Variants in ASAP3 observed in about 807,000 individuals in gnomAD.
The protein encoded by ASAP3 is arf-GAP with SH3 domain, ANK repeat and PH domain-containing protein 3.
Under a neutral mutation model 118.2 loss-of-function variants are expected in ASAP3, and 85 were observed. The ratio of observed to expected loss-of-function variants is 0.72; its 90% confidence interval spans 0.60 to 0.86. ASAP3 has a LOEUF of 0.86. Ranked by LOEUF, ASAP3 falls within the 40% of genes least tolerant of loss-of-function variation. The pLI is 0.00. For synonymous variants in ASAP3, 432 were observed against 477.4 expected, an observed-to-expected ratio of 0.90 and a Z score of 1.24; for missense variants, 1,026 against 1,175.0, an observed-to-expected ratio of 0.87 and a Z score of 1.85.
At position 23,436,868 on chromosome 1, in the gene ASAP3, T is replaced by C; in HGVS notation, c.1476+43A>G. ...CCGCCCCCGGATGAAACTACACCCC[T>C]AACTCCGCTTCTGGCCCCTTCCAGG... On this transcript the variant is annotated intron_variant, in intron 15 of 24. Coordinates refer to ENST00000336689, the MANE Select transcript of ASAP3 (RefSeq NM_017707.4). The surrounding 1 kb of genome is among the most constrained non-coding windows in gnomAD (Gnocchi z 4.2). 6.7e-7 allele frequency: 1 copy of C among 1,503,048 alleles called. No individual in the cohort carries two copies. Among genetic ancestry groups the C allele is most frequent in the African/African-American group, 1.5e-5 (1 of 66,892 alleles). 93.1% of individuals were successfully genotyped at this position (1,503,048 alleles called of 1,614,324 possible). A position where few individuals can be genotyped will look rare whatever the true frequency, so the allele number is the denominator to read the frequency against.
chr1:23,479,680 A>C (rs1264487975), intron 1 of ASAP3: 1 of 152,258 alleles, frequency 6.6e-6, no homozygotes, highest in African/African-American at 2.4e-5. Flanking sequence ...AAAACAATTT[A>C]AACTGTGCAT....
At chr1:23,452,847 G>GCAT (rs1399350922) in intron 3 of ASAP3, 76 bp from the exon 4 acceptor site, 23 of 1,389,736 alleles carry the variant, frequency 1.7e-5, no homozygotes, top group Admixed American at 1.2e-4. Flanking sequence ...GTACAGTGAA[G>GCAT]CATCACTTGG....
chr1:23,431,182 G>A (rs1640419345), intron 23 of ASAP3, 57 bp from the exon 24 acceptor site: 1 of 1,523,540 alleles, frequency 6.6e-7, no homozygotes, highest in Non-Finnish European at 8.9e-7. Context: ...CCTCAGAGTG[G>A]GGAGAAAGGG....
At chr1:23,473,974 C>CTTTT (rs10664798) in intron 1 of ASAP3, among the ~76,000 whole-genome samples, 2,706 of 71,952 alleles carry the variant, frequency 0.038, 101 homozygotes, top group Non-Finnish European at 0.046. Context: ...TAAATCTGCT[C>CTTTT]TTTTTTTTTT....
At chr1:23,477,310 G>A (rs1355998702) in intron 1 of ASAP3, among the ~76,000 whole-genome samples, 1 of 145,140 alleles carries the variant, frequency 6.9e-6, no homozygotes, top group African/African-American at 2.5e-5. Flanking sequence ...CCAGGAGACA[G>A]AGGTTGCAGT....
intron 1 of ASAP3, among the ~76,000 whole-genome samples, chr1:23,459,170 C>CAA (rs59149141): frequency 0.049 from 3,254 of 66,972 alleles, 247 homozygotes; most frequent in Middle Eastern, 0.15. Flanking sequence ...GACTCCATCT[C>CAA]AAAAAAAAAA....
chr1:23,442,317 A>C, intron 6 of ASAP3, 46 bp from the exon 7 acceptor site: 1 of 1,580,610 alleles, frequency 6.3e-7, no homozygotes, highest in East Asian at 2.3e-5. Flanking sequence ...CTGAAGCAGA[A>C]TCCTGGGAAC....
chr1:23,450,112 A>G (rs1458402678), intron 5 of ASAP3, among the ~76,000 whole-genome samples: 4 of 152,182 alleles, frequency 2.6e-5, no homozygotes, highest in African/African-American at 9.6e-5. Context: ...ATCTATGCCC[A>G]CAGCTGGGGC....
At position 23,438,137 on chromosome 1, in the gene ASAP3, A is replaced by G. The variant is rs1195277839; in HGVS notation, c.1102+610T>C. On this transcript the variant is annotated intron_variant, in intron 12 of 24. Transcript: ENST00000336689. The surrounding 1 kb of genome is among the most constrained non-coding windows in gnomAD (Gnocchi z 4.9). ...CCCCACCCCACAAACTCTTCATTCT[A>G]CATGTCCTTCAAGGCTAAACTCAAA... is the stretch of plus-strand genomic sequence containing the variant. Among the ~76,000 whole-genome samples the G allele has an allele frequency of 6.6e-6, 1 of 151,986 alleles. No individual in the cohort carries two copies. Among genetic ancestry groups the G allele is most frequent in the Non-Finnish European group, 1.5e-5 (1 of 68,000 alleles).
Position 23,441,714 on chromosome 1 carries a change from A to T in ASAP3, c.688T>A (p.Trp230Arg), listed in dbSNP as rs779082114. 1 of 1,614,182 alleles carries T rather than the reference A, an allele frequency of 6.2e-7. No homozygotes were observed. The highest frequency in any genetic ancestry group is 2.2e-5 in the East Asian group (1 of 44,882). Residue 230 changes from tryptophan to arginine, a missense_variant, in exon 8 of 25, where the codon TGG becomes AGG. Coordinates refer to ENST00000336689, the MANE Select transcript of ASAP3 (RefSeq NM_017707.4). ...GGGAACAGGCTCTGGGCAGCCTTCCAGCCATCTTGGAAAAAGCTAAGAGGT... is the reference window on the plus strand; with the variant it reads ...GGGAACAGGCTCTGGGCAGCCTTCCTGCCATCTTGGAAAAAGCTAAGAGGT... ...HAQHNFFQDGWKAAQSLFPFI... is the reference protein window; with the variant it reads ...HAQHNFFQDGRKAAQSLFPFI...
chr1:23,478,169 T>C (rs1356737201), intron 1 of ASAP3, among the ~76,000 whole-genome samples: 1 of 152,234 alleles, frequency 6.6e-6, no homozygotes, highest in Non-Finnish European at 1.5e-5. Flanking sequence ...TCTCATCTTT[T>C]AAATCTTTTA....
chr1:23,439,266 G>A, intron 10 of ASAP3, 36 bp from the exon 11 acceptor site: 1 of 1,603,310 alleles, frequency 6.2e-7, no homozygotes, highest in Non-Finnish European at 8.5e-7. Context: ...AGTGACCCAA[G>A]GCTCACACCT....
chr1:23,451,613 T>A, intron 4 of ASAP3, 85 bp from the exon 5 acceptor site: 1 of 1,423,242 alleles, frequency 7.0e-7, no homozygotes, highest in Non-Finnish European at 9.9e-7. Flanking sequence ...TAGGAGGACC[T>A]GCTAGTGTGC....
chr1:23,474,772 G>A (rs912446184), intron 1 of ASAP3, among the ~76,000 whole-genome samples: 9 of 152,070 alleles, frequency 5.9e-5, no homozygotes, highest in South Asian at 2.1e-4. Flanking sequence ...TTAGTGAGAC[G>A]GGGTTTCGCC....
chr1:23,439,948 G>A (rs564385764), intron 10 of ASAP3, among the ~76,000 whole-genome samples: 1 of 152,018 alleles, frequency 6.6e-6, no homozygotes, highest in East Asian at 2.0e-4. Context: ...CCAAGCAGCT[G>A]GGACTACAGG....
chr1:23,443,593 C>T (rs761434181), intron 5 of ASAP3, among the ~76,000 whole-genome samples: 5 of 151,864 alleles, frequency 3.3e-5, no homozygotes, highest in Non-Finnish European at 7.4e-5. Context: ...TGCAGTGGTG[C>T]GATCTCAGCT....
chr1:23,457,734 A>C (rs1284953774), intron 1 of ASAP3, among the ~76,000 whole-genome samples: 1 of 151,992 alleles, frequency 6.6e-6, no homozygotes, highest in African/African-American at 2.4e-5. Context: ...GTTGGTCTCA[A>C]ACTCCTGACC....
chr1:23,452,539 A>AC (rs1350329793), intron 4 of ASAP3, among the ~76,000 whole-genome samples, 158 bp downstream of exon 4: 1 of 151,378 alleles, frequency 6.6e-6, no homozygotes, highest in African/African-American at 2.4e-5. Flanking sequence ...TCCTAGGCTG[A>AC]CCCGAGCCAG....
rs1244606015 is a variant in ASAP3, at chr1:23,437,930, T to C, written c.1103-458A>G. Among the ~76,000 whole-genome samples, 4 of 152,022 alleles carry C rather than the reference T, an allele frequency of 2.6e-5. No individual in the cohort carries two copies. The highest frequency in any genetic ancestry group is 5.9e-5 in the Non-Finnish European group (4 of 68,004). On this transcript the variant is annotated intron_variant, in intron 12 of 24. Coordinates refer to ENST00000336689, the MANE Select transcript of ASAP3 (RefSeq NM_017707.4). The surrounding 1 kb of genome is among the most constrained non-coding windows in gnomAD (Gnocchi z 6.1). ...CAAGGCTCTGCTCTAATTACACCACTGCCCTGCCCCAAGATCTCCCATGGC... is the reference window on the plus strand; with the variant it reads ...CAAGGCTCTGCTCTAATTACACCACCGCCCTGCCCCAAGATCTCCCATGGC...
Sources: gnomAD v4.1 joint callset for allele counts (sites outside exome capture counted in the v4.1 genomes callset) on GRCh38, gnomAD v4.1.1 for gene constraint, Gnocchi (gnomAD v3.1) non-coding constraint, MANE v1.5 for transcripts, NCBI Gene and HGNC (gene_info 2026-07-23, HGNC 2026-07-21) for gene names.